The following AKAIN1 variants were observed in gnomAD, a reference collection of about 807,000 sequenced individuals.
AKAIN1 encodes A-kinase anchor protein inhibitor 1.
A neutral mutation model predicts 3.7 loss-of-function variants in AKAIN1; 3 were observed. That is an observed-to-expected ratio of 0.82 (90% CI 0.37 to 2.12). The LOEUF is 2.12. Ranked by LOEUF, AKAIN1 falls within the 30% of genes most tolerant of loss-of-function variation. AKAIN1 has a pLI of 0.06. For missense variants in AKAIN1, 82 were observed against 82.7 expected, an observed-to-expected ratio of 0.99 and a Z score of 0.03; for synonymous variants, 31 against 30.8, an observed-to-expected ratio of 1.01 and a Z score of -0.02.
At chr18:5,155,088 A>G (rs2143318520) in intron 1 of AKAIN1, among the ~76,000 whole-genome samples, 1 of 152,072 alleles carries the variant, frequency 6.6e-6, no homozygotes, top group East Asian at 2.0e-4. Flanking sequence ...CCATCCCATC[A>G]TTGCCCAGGC....
intron 1 of AKAIN1, among the ~76,000 whole-genome samples, chr18:5,156,196 G>A (rs999569939): frequency 6.6e-6 from 1 of 152,140 alleles, no homozygotes; most frequent in African/African-American, 2.4e-5. Context: ...TGGGAAGGAA[G>A]GAGGGAGGGA....
At chr18:5,184,195 G>A (rs2071274547) in intron 1 of AKAIN1, among the ~76,000 whole-genome samples, 1 of 152,042 alleles carries the variant, frequency 6.6e-6, no homozygotes, top group South Asian at 2.1e-4. Context: ...CAAAAGTGCT[G>A]CACTGATTTG....
chr18:5,191,184 A>G (rs2071316172), intron 1 of AKAIN1, among the ~76,000 whole-genome samples: 1 of 152,194 alleles, frequency 6.6e-6, no homozygotes, highest in Admixed American at 6.5e-5. Flanking sequence ...TAGTCTGTAC[A>G]AAAAGGCGTA....
rs137922108 is a variant in AKAIN1, at chr18:5,154,952, A to T, written c.17-9197T>A. ...AGGCGCCCGCCACCACGCCCAGCTA[A>T]TTTTTTGTATTTTTTGTAGAGATAG... On this transcript the variant is annotated intron_variant, in intron 1 of 1. Transcript: ENST00000434239. 9.4e-4 allele frequency among the ~76,000 whole-genome samples: 143 copies of T among 152,010 alleles called. 1 individual carries two copies. The highest frequency in any genetic ancestry group is 6.8e-3 in the Middle Eastern group (2 of 292).
At chr18:5,174,620 A>G (rs1000466212) in intron 1 of AKAIN1, among the ~76,000 whole-genome samples, 2 of 152,074 alleles carry the variant, frequency 1.3e-5, no homozygotes, top group African/African-American at 4.8e-5. Context: ...GTGCCCTTAC[A>G]GTCCCAGCTA....
intron 1 of AKAIN1, among the ~76,000 whole-genome samples, chr18:5,154,665 G>T (rs1302057430): frequency 2.6e-5 from 4 of 152,030 alleles, no homozygotes. Context: ...GGTGGGACAC[G>T]CCTTGTTCTA....
At chr18:5,191,157 T>C (rs938817237) in intron 1 of AKAIN1, among the ~76,000 whole-genome samples, 2 of 152,188 alleles carry the variant, frequency 1.3e-5, no homozygotes, top group African/African-American at 4.8e-5. Context: ...TCCTATTTAA[T>C]ATTGTACTAG....
intron 1 of AKAIN1, among the ~76,000 whole-genome samples, chr18:5,170,201 T>C (rs1475712085): frequency 6.6e-6 from 1 of 152,154 alleles, no homozygotes; most frequent in African/African-American, 2.4e-5. Context: ...AGAATACAAA[T>C]ATACTCCAAG....
intron 1 of AKAIN1, among the ~76,000 whole-genome samples, chr18:5,172,260 C>A (rs1326754180): frequency 2.0e-5 from 3 of 151,896 alleles, no homozygotes; most frequent in South Asian, 2.1e-4. Context: ...AACAGGATGA[C>A]TTTAGTCTAC....
At chr18:5,161,538 C>T (rs915461270) in intron 1 of AKAIN1, among the ~76,000 whole-genome samples, 4 of 151,930 alleles carry the variant, frequency 2.6e-5, no homozygotes, top group Non-Finnish European at 5.9e-5. Flanking sequence ...TACTTATTCA[C>T]CTTTCTATGC....
At chr18:5,168,614 G>A (rs985109908) in intron 1 of AKAIN1, among the ~76,000 whole-genome samples, 2 of 151,822 alleles carry the variant, frequency 1.3e-5, no homozygotes, top group African/African-American at 4.8e-5. Context: ...TTGTAACTTT[G>A]TCTTAGTGTG....
chr18:5,150,531 G>A (rs541380258), intron 1 of AKAIN1, among the ~76,000 whole-genome samples: 4 of 152,240 alleles, frequency 2.6e-5, no homozygotes, highest in East Asian at 3.9e-4. Flanking sequence ...AACCAAAATC[G>A]AGAACGTGGT....
intron 1 of AKAIN1, among the ~76,000 whole-genome samples, chr18:5,182,717 G>A (rs768575224): frequency 6.6e-6 from 1 of 152,150 alleles, no homozygotes; most frequent in South Asian, 2.1e-4. Flanking sequence ...TAACATAAAT[G>A]CTTTCAAAAC....
At chr18:5,157,917 C>T (rs1055100397) in intron 1 of AKAIN1, among the ~76,000 whole-genome samples, 1 of 152,052 alleles carries the variant, frequency 6.6e-6, no homozygotes, top group African/African-American at 2.4e-5. Context: ...TGGTCTCAAA[C>T]TTCTGGCCTC....
At position 5,160,882 on chromosome 18, in the gene AKAIN1, T is replaced by G. The variant is rs1380677504; in HGVS notation, c.17-15127A>C. On this transcript the variant is annotated intron_variant, in intron 1 of 1. Coordinates refer to ENST00000434239, the MANE Select transcript of AKAIN1 (RefSeq NM_001145194.2). ...TATCCATATATGTGGTGGGCTGTTT[T>G]TAAATTATTTATTCTTTTCCATTGA... Among the ~76,000 whole-genome samples the G allele has an allele frequency of 2.0e-5, 3 of 152,290 alleles. No individual in the cohort carries two copies. The East Asian group carries it at 5.8e-4, about 29-fold the overall frequency.
chr18:5,171,226 T>C (rs1330894402), intron 1 of AKAIN1, among the ~76,000 whole-genome samples: 1 of 152,178 alleles, frequency 6.6e-6, no homozygotes, highest in Non-Finnish European at 1.5e-5. Context: ...TTAAACAATA[T>C]GCTATACTTC....
chr18:5,160,124 A>C (rs2071130904), intron 1 of AKAIN1, among the ~76,000 whole-genome samples: 1 of 152,196 alleles, frequency 6.6e-6, no homozygotes, highest in South Asian at 2.1e-4. Flanking sequence ...AGTTGTCTGC[A>C]TTGTAGAGAA....
Position 5,170,135 on chromosome 18 carries a change from AG to A in AKAIN1, c.17-24381del, listed in dbSNP as rs367779168. Among the ~76,000 whole-genome samples the A allele has an allele frequency of 1.4e-4, 21 of 152,290 alleles. No homozygotes were observed. The South Asian group carries it at 4.3e-3, about 32-fold the overall frequency. The stretch of plus-strand genomic sequence containing the variant: ...AATATGTGGCACTAGAAATTTTGGC[AG>A]AAATTCATTTGATCCTATCAATCAC... On this transcript the variant is annotated intron_variant, in intron 1 of 1. Transcript: ENST00000434239.
intron 1 of AKAIN1, among the ~76,000 whole-genome samples, chr18:5,146,480 G>A (rs2071049931): frequency 6.6e-6 from 1 of 152,186 alleles, no homozygotes; most frequent in East Asian, 1.9e-4. Flanking sequence ...GTTACTTGCA[G>A]CCAAATACAT....
Sources: gnomAD v4.1 joint callset for allele counts (sites outside exome capture counted in the v4.1 genomes callset) on GRCh38, gnomAD v4.1.1 for gene constraint, MANE v1.5 for transcripts, NCBI Gene and HGNC (gene_info 2026-07-23, HGNC 2026-07-21) for gene names.